The following S100Z variants were observed in gnomAD, a reference collection of about 807,000 sequenced individuals.
S100Z encodes protein S100-Z.
S100Z carries 11 observed loss-of-function variants against 8.5 expected under a neutral mutation model. That is an observed-to-expected ratio of 1.30 (90% CI 0.82 to 2.15). The LOEUF is 2.15. S100Z is among the 30% of genes most tolerant of loss of function. The probability of loss-of-function intolerance (pLI) is 0.00; values close to 1 mark genes in which losing one functional copy is unlikely to be tolerated. For synonymous variants in S100Z, 34 were observed against 43.8 expected, an observed-to-expected ratio of 0.78 and a Z score of 0.89; for missense variants, 126 against 117.9, an observed-to-expected ratio of 1.07 and a Z score of -0.32.
At chr5:76,950,854 A>G in the S100Z span, among the ~76,000 whole-genome samples, 2 of 152,160 alleles carry the variant, frequency 1.3e-5, no homozygotes, top group African/African-American at 4.8e-5. Context: ...AGGCCTACTT[A>G]TTGCCCAGAA....
intron 1 of S100Z, among the ~76,000 whole-genome samples, chr5:76,856,496 G>A (rs993987472): frequency 6.6e-6 from 1 of 152,140 alleles, no homozygotes; most frequent in East Asian, 1.9e-4. Flanking sequence ...CACCAAACCC[G>A]GCCTAACCTT....
chr5:76,923,978 A>G (rs1745090774), downstream of S100Z, among the ~76,000 whole-genome samples: 2 of 152,172 alleles, frequency 1.3e-5, no homozygotes, highest in Non-Finnish European at 2.9e-5. Flanking sequence ...TGTTCTCCGA[A>G]GATCCCTGAT....
At chr5:76,914,344 C>T (rs1486661298) in intron 4 of S100Z, among the ~76,000 whole-genome samples, 1 of 142,954 alleles carries the variant, frequency 7.0e-6, no homozygotes, top group East Asian at 2.0e-4. Context: ...ATGCACCAAT[C>T]AGAGCTCTGT....
At chr5:76,933,980 T>A in the S100Z span, among the ~76,000 whole-genome samples, 1 of 152,260 alleles carries the variant, frequency 6.6e-6, no homozygotes, top group African/African-American at 2.4e-5. Flanking sequence ...TGGAATCATG[T>A]ATTTCTGGCT....
intron 4 of S100Z, among the ~76,000 whole-genome samples, chr5:76,899,760 A>G (rs1247416667): frequency 6.6e-6 from 1 of 152,120 alleles, no homozygotes; most frequent in African/African-American, 2.4e-5. Context: ...TAGTCTTTCT[A>G]CTTAGGATAA....
intron 4 of S100Z, among the ~76,000 whole-genome samples, chr5:76,907,015 TATATATATACATATATATATAC>T (rs1744475915): frequency 2.7e-5 from 3 of 112,246 alleles, no homozygotes; most frequent in South Asian, 5.2e-4. Context: ...TATATATATA[TATATATATACATATATATATAC>T]CAAATTTTCT....
chr5:76,926,166 T>C (rs1396247107), downstream of S100Z, among the ~76,000 whole-genome samples: 1 of 151,826 alleles, frequency 6.6e-6, no homozygotes, highest in Non-Finnish European at 1.5e-5. Context: ...GGAATGATGA[T>C]TAGAATTCAC....
intron 4 of S100Z, among the ~76,000 whole-genome samples, chr5:76,913,193 A>G (rs144426953): frequency 0.012 from 1,851 of 152,318 alleles, 56 homozygotes; most frequent in East Asian, 0.11. Flanking sequence ...GACAACCCAT[A>G]GCCTTCCTAT....
chr5:76,946,030 CT>C, the S100Z span, among the ~76,000 whole-genome samples: 4 of 152,204 alleles, frequency 2.6e-5, 1 homozygote, highest in Admixed American at 2.6e-4. Context: ...CTGCAGGCAT[CT>C]CGCTTTAGGC....
At chr5:76,863,741 T>A (rs983109928) in intron 1 of S100Z, among the ~76,000 whole-genome samples, 2 of 151,978 alleles carry the variant, frequency 1.3e-5, no homozygotes. Flanking sequence ...GGTTTCACCG[T>A]GTTAGCCAGG....
chr5:76,874,935 A>T (rs540268524), intron 2 of S100Z, among the ~76,000 whole-genome samples: 1 of 151,972 alleles, frequency 6.6e-6, no homozygotes, highest in East Asian at 1.9e-4. Flanking sequence ...CCCAGGCTGG[A>T]GTGCAGTGGC....
intron 4 of S100Z, among the ~76,000 whole-genome samples, chr5:76,881,577 A>C (rs761469137): frequency 6.6e-6 from 1 of 152,190 alleles, no homozygotes; most frequent in Non-Finnish European, 1.5e-5. Flanking sequence ...GGAAATGAGA[A>C]GTTCTAAGAG....
At position 76,875,511 on chromosome 5, in the gene S100Z, C is replaced by A; in HGVS notation, c.141+11C>A. 1 of 1,598,588 alleles carries A rather than the reference C, an allele frequency of 6.3e-7. No individual in the cohort carries two copies. The highest frequency in any genetic ancestry group is 8.5e-7 in the Non-Finnish European group (1 of 1,173,806). ...ACGGAATTCCTCTCGGTGAGTCAGGCCTTTGTAAATGCTGTATTCATTTGA... is the reference window on the plus strand; with the variant it reads ...ACGGAATTCCTCTCGGTGAGTCAGGACTTTGTAAATGCTGTATTCATTTGA... On this transcript the variant is annotated intron_variant, in intron 3 of 4. Coordinates refer to ENST00000317593, the MANE Select transcript of S100Z (RefSeq NM_130772.4).
intron 1 of S100Z, among the ~76,000 whole-genome samples, chr5:76,864,485 T>TCTGC (rs1353621274): frequency 7.8e-6 from 1 of 128,554 alleles, no homozygotes; most frequent in Non-Finnish European, 1.6e-5. Context: ...AACTGTAACC[T>TCTGC]CTGCCTCCTG....
chr5:76,863,171 G>A lies in S100Z; in HGVS notation c.-175-6995G>A, dbSNP rs114078540. On this transcript the variant is annotated intron_variant, in intron 1 of 4. Transcript: ENST00000317593. Reference sequence around the variant, plus strand: ...ATTATCTAAACCTGTTTTTCTGGACGGTAGGGGCCAGGAGGAAAAGAGTAT... The same window carrying A: ...ATTATCTAAACCTGTTTTTCTGGACAGTAGGGGCCAGGAGGAAAAGAGTAT... 7.5e-3 allele frequency among the ~76,000 whole-genome samples: 1,144 copies of A among 152,266 alleles called. 18 individuals are homozygous for A. Among genetic ancestry groups the A allele is most frequent in the African/African-American group, 0.025 (1,033 of 41,552 alleles).
At chr5:76,865,099 C>T (rs755872606) in intron 1 of S100Z, among the ~76,000 whole-genome samples, 6 of 152,090 alleles carry the variant, frequency 3.9e-5, no homozygotes, top group Non-Finnish European at 7.3e-5. Flanking sequence ...CTTCAGAAGG[C>T]GTTGTTATCA....
At chr5:76,938,657 C>A in the S100Z span, among the ~76,000 whole-genome samples, 20,409 of 152,096 alleles carry the variant, frequency 0.13, 1,477 homozygotes, top group East Asian at 0.18. Context: ...TTACCTGTCC[C>A]AACATTGCAA....
intron 2 of S100Z, among the ~76,000 whole-genome samples, chr5:76,870,606 A>AC (rs1554036483): frequency 6.7e-6 from 1 of 148,810 alleles, no homozygotes; most frequent in Non-Finnish European, 1.5e-5. Context: ...TAAAAGCTTG[A>AC]TTTTTTTTTT....
rs79826727 is a variant in S100Z at position 76,877,214 on chromosome 5, T to A, written c.142-460T>A. Among the ~76,000 whole-genome samples, 646 of 152,296 alleles carry A rather than the reference T, an allele frequency of 4.2e-3. 3 individuals carry two copies. Among genetic ancestry groups the A allele is most frequent in the Non-Finnish European group, 6.5e-3 (445 of 68,022 alleles). Reference sequence around the variant, plus strand: ...GCACTTTCAAAAGTGTGATGAAGTATCCCTGAAATGTGTGGATAGAAATTA... The same window carrying A: ...GCACTTTCAAAAGTGTGATGAAGTAACCCTGAAATGTGTGGATAGAAATTA... On this transcript the variant is annotated intron_variant, in intron 3 of 4. Transcript: ENST00000317593.
Sources: gnomAD v4.1 joint callset for allele counts (sites outside exome capture counted in the v4.1 genomes callset) on GRCh38, gnomAD v4.1.1 for gene constraint, MANE v1.5 for transcripts, NCBI Gene and HGNC (gene_info 2026-07-23, HGNC 2026-07-21) for gene names.